The following C10orf90 variants were observed in gnomAD, a reference collection of about 807,000 sequenced individuals.
C10orf90 encodes the protein chromosome 10 open reading frame 90.
Under a neutral mutation model 62.5 loss-of-function variants are expected in C10orf90, and 56 were observed. The ratio of observed to expected loss-of-function variants is 0.90; its 90% confidence interval spans 0.72 to 1.12. The LOEUF is 1.12. Ranked by LOEUF, C10orf90 falls within the 50% of genes most tolerant of loss-of-function variation. C10orf90 has a pLI of 0.00. For missense variants in C10orf90, 970 were observed against 880.4 expected (o/e 1.10, Z -1.29); for synonymous variants, 386 against 340.4 (o/e 1.13, Z -1.47).
intron 4 of C10orf90, among the ~76,000 whole-genome samples, chr10:126,490,498 T>G (rs934056102): frequency 5.9e-5 from 9 of 151,888 alleles, no homozygotes; most frequent in African/African-American, 2.2e-4. Flanking sequence ...GTATATAGCG[T>G]TTAATGGGTA....
At chr10:126,576,719 G>T (rs1334772063) in intron 2 of C10orf90, among the ~76,000 whole-genome samples, 13 of 39,878 alleles carry the variant, frequency 3.3e-4, no homozygotes, top group Non-Finnish European at 4.5e-4. Context: ...ATATATACAA[G>T]ATATACATAT....
chr10:126,576,708 TATATATACAAG>T (rs1260600284), intron 2 of C10orf90, among the ~76,000 whole-genome samples: 2,217 of 32,488 alleles, frequency 0.068, 411 homozygotes, highest in Middle Eastern at 0.1. Context: ...TGTATATGTA[TATATATACAAG>T]ATATACATAT....
At chr10:126,593,854 T>G (rs1845030220) in intron 2 of C10orf90, among the ~76,000 whole-genome samples, 1 of 152,132 alleles carries the variant, frequency 6.6e-6, no homozygotes, top group Admixed American at 6.5e-5. Flanking sequence ...GTATCATATT[T>G]ATGCTCCACA....
intron 4 of C10orf90, among the ~76,000 whole-genome samples, chr10:126,489,058 C>A (rs1861582701): frequency 6.6e-6 from 1 of 151,808 alleles, no homozygotes; most frequent in African/African-American, 2.4e-5. Flanking sequence ...ATACCAAAAT[C>A]AAAAATATTT....
intron 2 of C10orf90, among the ~76,000 whole-genome samples, chr10:126,604,831 G>A (rs192174461): frequency 1.3e-5 from 2 of 152,228 alleles, no homozygotes; most frequent in East Asian, 3.9e-4. Context: ...GTAAGATAAG[G>A]CCCATTTTCA....
rs200212611 is a variant in C10orf90, at chr10:126,459,059, C to G, written c.2169G>C (p.Thr723=). The part of the protein sequence containing the change: ...LPIRTSKKQF[T]IPHPLSDNLF... ...GCTTACCACTCAGAGGATGGGGAAT[C>G]GTGAACTGCTTCTTGCTGGTGCGGA... Residue 723 remains threonine (T), a synonymous_variant, in exon 7 of 10, where the codon ACG becomes ACC. Coordinates refer to ENST00000488181, the MANE Select transcript of C10orf90 (RefSeq NM_001350921.2). 1 of 1,612,996 alleles carries G rather than the reference C, an allele frequency of 6.2e-7. No homozygotes were observed. The highest frequency in any genetic ancestry group is 8.5e-7 in the Non-Finnish European group (1 of 1,179,928).
intron 4 of C10orf90, among the ~76,000 whole-genome samples, chr10:126,482,817 G>A (rs905065197): frequency 6.6e-6 from 1 of 152,216 alleles, no homozygotes; most frequent in Non-Finnish European, 1.5e-5. Context: ...TTTCTCTGAG[G>A]TTAGAAGAGG....
intron 2 of C10orf90, among the ~76,000 whole-genome samples, chr10:126,601,033 G>A (rs1370082793): frequency 1.3e-5 from 2 of 152,174 alleles, no homozygotes; most frequent in Non-Finnish European, 2.9e-5. Flanking sequence ...GAAGGATATT[G>A]TGTCATTTGC....
intron 2 of C10orf90, among the ~76,000 whole-genome samples, chr10:126,569,169 C>T (rs1400214243): frequency 2.0e-5 from 3 of 152,148 alleles, no homozygotes; most frequent in African/African-American, 4.8e-5. Context: ...TAATTCCAAG[C>T]GTGGCTGCCA....
intron 2 of C10orf90, chr10:126,521,450 C>T: frequency 6.6e-7 from 1 of 1,513,910 alleles, no homozygotes; most frequent in Non-Finnish European, 8.8e-7. Flanking sequence ...ATGAGTCAGG[C>T]TTCCACCTTC....
rs2133886857 is a variant in C10orf90 at position 126,504,477 on chromosome 10, T to C, written c.1014A>G (p.Ser338=). 6.2e-7 allele frequency: 1 copy of C among 1,614,210 alleles called. No individual in the cohort carries two copies. ...AACTGAACACCAGCGGGCTCTTTCC[T>C]GACAGTGGGGTGTCTGGAGAAAAAC... The part of the protein sequence containing the change: ...ETSFSPDTPL[S]GKSPLVFSSC... The change falls in exon 4 of 10, where the codon TCA becomes TCG. Residue 338 remains serine, a synonymous_variant. Transcript: ENST00000488181. This position sits in a 1 kb window ranked among gnomAD's most constrained non-coding sequence, Gnocchi z 4.1.
chr10:126,649,072 C>CTCT (rs1445649784), intron 1 of C10orf90, among the ~76,000 whole-genome samples: 20 of 49,906 alleles, frequency 4.0e-4, no homozygotes, highest in African/African-American at 1.2e-3. Context: ...CTCTCTCTCT[C>CTCT]CCCCCCCCCC....
At position 126,505,158 on chromosome 10, in the gene C10orf90, C is replaced by T; in HGVS notation, c.406-73G>A. 2.0e-6 allele frequency: 3 copies of T among 1,467,942 alleles called. No individual in the cohort carries two copies. The South Asian group carries it at 4.1e-5, about 20-fold the overall frequency. 90.9% of individuals were successfully genotyped at this position (1,467,942 alleles called of 1,614,324 possible). On this transcript the variant is annotated intron_variant, in intron 3 of 9. Coordinates refer to ENST00000488181, the MANE Select transcript of C10orf90 (RefSeq NM_001350921.2). ...TAGACAGTAAACTCTCTTTCAAGGG[C>T]CACCAGGATGCCAGAGCACTGGGTT...
chr10:126,504,484 G>A lies in C10orf90; in HGVS notation c.1007C>T (p.Pro336Leu). 6.2e-7 allele frequency: 1 copy of A among 1,614,182 alleles called. No individual in the cohort carries two copies. The highest frequency in any genetic ancestry group is 2.2e-5 in the East Asian group (1 of 44,874). ...CACCAGCGGGCTCTTTCCTGACAGT[G>A]GGGTGTCTGGAGAAAAACTGGTCTC... The part of the protein sequence containing the change: ...DKETSFSPDT[P>L]LSGKSPLVFS... The change falls in exon 4 of 10, where the codon CCA becomes CTA. Residue 336 changes from proline (P) to leucine (L), a missense_variant. Pro to Leu is a moderately conservative substitution (Grantham distance 98, BLOSUM62 -3). Coordinates refer to ENST00000488181, the MANE Select transcript of C10orf90 (RefSeq NM_001350921.2). This position sits in a 1 kb window ranked among gnomAD's most constrained non-coding sequence, Gnocchi z 4.1.
chr10:126,636,220 C>G (rs1845947987), intron 2 of C10orf90, among the ~76,000 whole-genome samples: 1 of 152,118 alleles, frequency 6.6e-6, no homozygotes, highest in Non-Finnish European at 1.5e-5. Context: ...AGATCATCGG[C>G]CCTAATTTTC....
intron 3 of C10orf90, among the ~76,000 whole-genome samples, chr10:126,512,372 C>CTGTGTGTGTGTGTCTGTG: frequency 1.5e-5 from 1 of 64,916 alleles, no homozygotes; most frequent in Non-Finnish European, 3.5e-5. Flanking sequence ...GTATGTGTGT[C>CTGTGTGTGTGTGTCTGTG]TGTGTGTGTG....
At chr10:126,563,338 G>A (rs1864946396) in intron 2 of C10orf90, among the ~76,000 whole-genome samples, 1 of 152,154 alleles carries the variant, frequency 6.6e-6, no homozygotes, top group African/African-American at 2.4e-5. Flanking sequence ...CCCCCAAGAT[G>A]CAGTGAAATA....
At chr10:126,573,794 G>C (rs1389371736) in intron 2 of C10orf90, among the ~76,000 whole-genome samples, 1 of 152,150 alleles carries the variant, frequency 6.6e-6, no homozygotes, top group East Asian at 1.9e-4. Flanking sequence ...AGGAAACTCA[G>C]AAAGTATTTC....
At chr10:126,601,018 A>T (rs1477932461) in intron 2 of C10orf90, among the ~76,000 whole-genome samples, 2 of 152,234 alleles carry the variant, frequency 1.3e-5, no homozygotes, top group Admixed American at 6.5e-5. Flanking sequence ...TTCAGCCTTT[A>T]AAAAGAAGGA....
Sources: allele counts gnomAD v4.1 joint callset (sites outside exome capture counted in the v4.1 genomes callset), GRCh38; gene constraint gnomAD v4.1.1; non-coding constraint Gnocchi (gnomAD v3.1); transcripts MANE v1.5; gene names NCBI Gene and HGNC (gene_info 2026-07-23, HGNC 2026-07-21).